The following NFRKB variants were observed in gnomAD, a reference collection of about 807,000 sequenced individuals.
NFRKB encodes the protein nuclear factor related to kappaB binding protein, also known as nuclear factor related to kappa-B-binding protein.
Under a neutral mutation model 135.7 loss-of-function variants are expected in NFRKB, and 62 were observed. The ratio of observed to expected loss-of-function variants is 0.46; its 90% CI spans 0.37 to 0.56. The LOEUF (loss-of-function observed/expected upper bound fraction) is 0.56, where lower values mean the gene tolerates loss of function less well. Ranked by LOEUF, NFRKB falls within the 20% of genes least tolerant of loss-of-function variation. The pLI is 0.00. For missense variants in NFRKB, 1,545 were observed against 1,662.0 expected (o/e 0.93, Z 1.22); for synonymous variants, 678 against 635.6 (o/e 1.07, Z -1.00).
Position 129,873,785 on chromosome 11 carries a change from C to A in NFRKB, c.2510G>T (p.Arg837Leu), listed in dbSNP as rs1325193251. The A allele has an allele frequency of 6.2e-7, 1 of 1,614,018 alleles. No homozygotes were observed. Among genetic ancestry groups the A allele is most frequent in the Admixed American group, 1.7e-5 (1 of 59,994 alleles). Residue 837 changes from arginine to leucine, a missense_variant, in exon 22 of 27, where the codon CGG becomes CTG. By Grantham distance (102) the Arg-to-Leu change is moderately radical (BLOSUM62 -2). This residue lies in a region of NFRKB where 753 missense variants were observed against 804.3 expected (regional missense o/e 0.94). Coordinates refer to ENST00000682444, the MANE Select transcript of NFRKB (RefSeq NM_001143835.2). ...LPQMPAGPQIRVPATATQTKV... is the reference protein window; with the variant it reads ...LPQMPAGPQILVPATATQTKV... ...GGTCTGTGTGGCAGTGGCTGGAACC[C>A]GGATCTGCGGTCCTGCTGGCATCTG...
rs531789159 is a variant in NFRKB, at chr11:129,877,346, C to T, written c.1551G>A (p.Glu517=). The T allele has an allele frequency of 6.2e-7, 1 of 1,614,166 alleles. No individual in the cohort carries two copies. The highest frequency in any genetic ancestry group is 1.3e-5 in the African/African-American group (1 of 75,048). The change falls in exon 16 of 27, where the codon GAG becomes GAA. Residue 517 remains glutamate (E), a synonymous_variant. Transcript: ENST00000682444. ...TTACCTGCTCCTGAAAAACCCGTTT[C>T]TCCTCCCCCGTGCTGGGACGCACCA... ...DYVVRPSTGE[E]KRVFQEQERY... is the part of the protein sequence containing the mutation.
chr11:129,877,421 C>G, intron 15 of NFRKB, 36 bp from the exon 16 acceptor site: 1 of 1,595,382 alleles, frequency 6.3e-7, no homozygotes, highest in Non-Finnish European at 8.6e-7. Context: ...ACCCTGACAG[C>G]TGGCACGTGT....
Position 129,874,316 on chromosome 11 carries a change from C to T in NFRKB, c.2076G>A (p.Glu692=). ...CACTGCTAAGGACCTTTATGGAGCT[C>T]TCCTTGCTACTGGACTTCTAGAACG... The part of the protein sequence containing the change: ...PPSKVKSSSK[E]SSIKVLSSGP... The change falls in exon 21 of 27, where the codon GAG becomes GAA. Residue 692 remains glutamate, a synonymous_variant. Transcript: ENST00000682444. The surrounding 1 kb of genome is among the most constrained non-coding windows in gnomAD (Gnocchi z 4.5). 1 of 1,517,688 alleles carries T rather than the reference C, an allele frequency of 6.6e-7. No homozygotes were observed. Among genetic ancestry groups the T allele is most frequent in the South Asian group, 1.4e-5 (1 of 74,042 alleles). The allele number at this position is 1,517,688 out of a possible 1,614,324, so 94.0% of individuals were successfully genotyped here.
chr11:129,875,549 A>G (rs2135648621), intron 17 of NFRKB, 86 bp from the exon 18 acceptor site: 1 of 1,031,146 alleles, frequency 9.7e-7, no homozygotes, highest in East Asian at 2.7e-5. Context: ...TGATGGGCAA[A>G]GCTGCCTGGG....
At position 129,884,951 on chromosome 11, in the gene NFRKB, G is replaced by C; in HGVS notation, c.641-105C>G. Reference sequence around the variant, plus strand: ...TTCAACAAGGCTAAGCCAACAACATGGAGGCCAGGGTTCCACAATCCTTTC... The same window carrying C: ...TTCAACAAGGCTAAGCCAACAACATCGAGGCCAGGGTTCCACAATCCTTTC... On this transcript the variant is annotated intron_variant, in intron 6 of 26. Coordinates refer to ENST00000682444, the MANE Select transcript of NFRKB (RefSeq NM_001143835.2). The C allele has an allele frequency of 4.5e-6, 7 of 1,548,806 alleles. No homozygotes were observed. The East Asian group carries it at 6.9e-5, about 15-fold the overall frequency.
intron 10 of NFRKB, 75 bp downstream of exon 10, chr11:129,882,376 G>C: frequency 6.6e-7 from 1 of 1,520,256 alleles, no homozygotes; most frequent in Non-Finnish European, 8.9e-7. Context: ...GCTACGACAA[G>C]CCCTAGGGGC....
chr11:129,884,022 G>C (rs746240577), intron 8 of NFRKB, 48 bp downstream of exon 8: 9 of 1,594,618 alleles, frequency 5.6e-6, no homozygotes, highest in Non-Finnish European at 7.7e-6. Flanking sequence ...AGCCAATCCT[G>C]AGACATCAGG....
At position 129,885,628 on chromosome 11, in the gene NFRKB, G is replaced by C. The variant is rs117050386; in HGVS notation, c.466-19C>G. Reference sequence around the variant, plus strand: ...GCAGATCCTAGGTAGAGATCAGGTGGGGGTACAAGTCATCATCCAAGACCT... The same window carrying C: ...GCAGATCCTAGGTAGAGATCAGGTGCGGGTACAAGTCATCATCCAAGACCT... On this transcript the variant is annotated intron_variant, in intron 5 of 26. Coordinates refer to ENST00000682444, the MANE Select transcript of NFRKB (RefSeq NM_001143835.2). 4,686 of 1,589,708 alleles carry C rather than the reference G, an allele frequency of 2.9e-3. 14 individuals carry two copies. Among genetic ancestry groups the C allele is most frequent in the Non-Finnish European group, 3.6e-3 (4,191 of 1,163,704 alleles).
At chr11:129,869,001 CAAGAGT>C (rs1948357471) in intron 24 of NFRKB, among the ~76,000 whole-genome samples, 2 of 152,136 alleles carry the variant, frequency 1.3e-5, no homozygotes, top group African/African-American at 4.8e-5. Flanking sequence ...GCCTGGGCAA[CAAGAGT>C]GAGACTCCAT....
chr11:129,890,695 G>A (rs1949518483), intron 3 of NFRKB, among the ~76,000 whole-genome samples: 1 of 152,186 alleles, frequency 6.6e-6, no homozygotes, highest in Non-Finnish European at 1.5e-5. Context: ...GTACATAGTG[G>A]CTTGCAAATA....
chr11:129,890,401 C>T (rs965229367), intron 3 of NFRKB, among the ~76,000 whole-genome samples: 7 of 152,078 alleles, frequency 4.6e-5, no homozygotes, highest in African/African-American at 1.7e-4. Flanking sequence ...AAGGGACTGC[C>T]CTGAAAGAGT....
rs368198069 is a variant in NFRKB at position 129,874,750 on chromosome 11, G to A, written c.1978+43C>T. On this transcript the variant is annotated intron_variant, in intron 19 of 26. Coordinates refer to ENST00000682444, the MANE Select transcript of NFRKB (RefSeq NM_001143835.2). This position sits in a 1 kb window ranked among gnomAD's most constrained non-coding sequence, Gnocchi z 4.5. ...TGGAATTGGGGTAGAAAGTCAGAAC[G>A]TATCCCCAGTCTGGTCGGACAGTGC... 2.4e-5 allele frequency: 38 copies of A among 1,613,776 alleles called. No individual in the cohort carries two copies. Among genetic ancestry groups the A allele is most frequent in the Admixed American group, 3.3e-5 (2 of 59,998 alleles).
chr11:129,884,999 G>T (rs1406881662), intron 6 of NFRKB, 153 bp from the exon 7 acceptor site: 1 of 1,130,792 alleles, frequency 8.8e-7, no homozygotes, highest in East Asian at 2.6e-5. Context: ...AGAGGAGCTG[G>T]AGCACACTTA....
chr11:129,893,874 C>G (rs7116648), intron 2 of NFRKB: 57,483 of 152,052 alleles, frequency 0.38, 11,482 homozygotes, highest in East Asian at 0.46. Flanking sequence ...CACAATACCT[C>G]TTGTATAACC....
At position 129,874,187 on chromosome 11, in the gene NFRKB, G is replaced by A; in HGVS notation, c.2205C>T (p.Ile735=). The A allele has an allele frequency of 2.0e-6, 3 of 1,520,972 alleles. No homozygotes were observed. The highest frequency in any genetic ancestry group is 2.6e-6 in the Non-Finnish European group (3 of 1,136,298). The allele number at this position is 1,520,972 out of a possible 1,614,324, so 94.2% of individuals were successfully genotyped here. ...TCACTGCCGATACAGGTGGAGGGGA[G>A]ATGGGAATGGCGGGCAATGCTGGTG... ...PTTPALPAIP[I]SPPPVSAVNK... Residue 735 remains isoleucine, a synonymous_variant, in exon 21 of 27, where the codon ATC becomes ATT. Coordinates refer to ENST00000682444, the MANE Select transcript of NFRKB (RefSeq NM_001143835.2). This position sits in a 1 kb window ranked among gnomAD's most constrained non-coding sequence, Gnocchi z 4.5.
chr11:129,886,547 C>A, intron 4 of NFRKB, 103 bp from the exon 5 acceptor site: 2 of 1,080,832 alleles, frequency 1.9e-6, no homozygotes, highest in East Asian at 2.5e-5. Flanking sequence ...CTCTGTACCA[C>A]AAAACTTAAG....
chr11:129,888,800 G>A lies in NFRKB; in HGVS notation c.136-5C>T, dbSNP rs748320565. The stretch of plus-strand genomic sequence containing the variant: ...AACATCAAAGAAGATCTCAGGCTAG[G>A]AGAAATAGGAAAAGTAAACAAAAGT... On this transcript the variant is annotated splice_region_variant and splice_polypyrimidine_tract_variant and intron_variant, in intron 3 of 26. Coordinates refer to ENST00000682444, the MANE Select transcript of NFRKB (RefSeq NM_001143835.2). 1.6e-5 allele frequency: 25 copies of A among 1,606,876 alleles called. 1 individual carries two copies. In the South Asian group the frequency reaches 2.8e-4, roughly 18 times the overall value.
intron 4 of NFRKB, among the ~76,000 whole-genome samples, chr11:129,887,471 G>C (rs970952639): frequency 2.0e-5 from 3 of 152,188 alleles, no homozygotes; most frequent in African/African-American, 7.2e-5. Flanking sequence ...CAATGGGAAA[G>C]ACCACATTTC....
intron 24 of NFRKB, among the ~76,000 whole-genome samples, chr11:129,869,157 A>C (rs1948366055): frequency 6.6e-6 from 1 of 152,236 alleles, no homozygotes; most frequent in African/African-American, 2.4e-5. Flanking sequence ...AACAGCAATT[A>C]GTCTTCATGA....
Sources: gnomAD v4.1 joint callset for allele counts (sites outside exome capture counted in the v4.1 genomes callset) on GRCh38, gnomAD v4.1.1 for gene constraint, gnomAD v4.1.1 regional missense constraint, Gnocchi (gnomAD v3.1) non-coding constraint, MANE v1.5 for transcripts, NCBI Gene and HGNC (gene_info 2026-07-23, HGNC 2026-07-21) for gene names.